Variants in PCDH15 observed in about 807,000 individuals in gnomAD.
PCDH15 encodes the protein protocadherin-15.
Under a neutral mutation model 178.5 loss-of-function variants are expected in PCDH15, and 129 were observed. The observed-to-expected ratio is 0.72, with a 90% CI of 0.63 to 0.84. The LOEUF is 0.84. PCDH15 is among the 40% of genes least tolerant of loss of function. The pLI is 0.00. For synonymous variants in PCDH15, 800 were observed against 732.0 expected, an observed-to-expected ratio of 1.09 and a Z score of -1.50; for missense variants, 2,230 against 2,099.9, an observed-to-expected ratio of 1.06 and a Z score of -1.21.
intron 2 of PCDH15, among the ~76,000 whole-genome samples, chr10:55,027,556 G>C (rs1285822027): frequency 6.6e-6 from 1 of 151,746 alleles, no homozygotes; most frequent in East Asian, 1.9e-4. Context: ...GGTTTGTTAA[G>C]AGTATATATG....
intron 6 of PCDH15, among the ~76,000 whole-genome samples, chr10:54,335,392 A>G (rs987504924): frequency 2.6e-5 from 4 of 152,196 alleles, no homozygotes; most frequent in African/African-American, 9.6e-5. Flanking sequence ...AAGATGTCAA[A>G]GCATCACAGG....
At chr10:53,986,202 T>C (rs2091089896) in intron 21 of PCDH15, among the ~76,000 whole-genome samples, 1 of 152,052 alleles carries the variant, frequency 6.6e-6, no homozygotes, top group Non-Finnish European at 1.5e-5. Flanking sequence ...GACATACAAA[T>C]GGCCAACAGT....
At chr10:53,975,810 T>A (rs1336512413) in intron 21 of PCDH15, among the ~76,000 whole-genome samples, 2 of 152,292 alleles carry the variant, frequency 1.3e-5, no homozygotes, top group East Asian at 3.9e-4. Flanking sequence ...TTTGTTGTAA[T>A]TGCTTTTGGT....
At chr10:55,382,419 G>T (rs1837557434) in intron 2 of PCDH15, among the ~76,000 whole-genome samples, 1 of 152,140 alleles carries the variant, frequency 6.6e-6, no homozygotes, top group South Asian at 2.1e-4. Context: ...TCTAAGTGAT[G>T]CTATGTGACA....
intron 1 of PCDH15, among the ~76,000 whole-genome samples, chr10:54,756,695 T>G (rs1037672890): frequency 7.7e-6 from 1 of 129,638 alleles, no homozygotes; most frequent in Non-Finnish European, 1.6e-5. Context: ...TGTGTCTTTC[T>G]GTCTGTCTGT....
At chr10:53,884,481 A>G (rs940680939) in intron 26 of PCDH15, among the ~76,000 whole-genome samples, 1 of 152,184 alleles carries the variant, frequency 6.6e-6, no homozygotes, top group Non-Finnish European at 1.5e-5. Flanking sequence ...CCAAGCCCCC[A>G]TGCAGAGTTC....
chr10:54,916,112 C>G (rs537707115), intron 2 of PCDH15, among the ~76,000 whole-genome samples: 1 of 149,800 alleles, frequency 6.7e-6, no homozygotes, highest in South Asian at 2.1e-4. Flanking sequence ...GCTCAGCTTA[C>G]GGGCACCTGC....
chr10:54,738,804 T>C (rs1038252031), intron 1 of PCDH15, among the ~76,000 whole-genome samples: 5 of 152,180 alleles, frequency 3.3e-5, no homozygotes, highest in Non-Finnish European at 7.4e-5. Context: ...CAATAGATGC[T>C]GAAAAGGCAT....
chr10:54,001,076 G>T (rs768918305), intron 20 of PCDH15, among the ~76,000 whole-genome samples: 2 of 152,056 alleles, frequency 1.3e-5, no homozygotes, highest in Non-Finnish European at 2.9e-5. Context: ...TCCTAGAAGA[G>T]TATATCTGGT....
chr10:54,625,509 G>A (rs1179719233), intron 2 of PCDH15, among the ~76,000 whole-genome samples: 1 of 152,062 alleles, frequency 6.6e-6, no homozygotes, highest in African/African-American at 2.4e-5. Context: ...TCTCATGATG[G>A]TGAATGGGTC....
At chr10:55,108,667 C>A (rs1047852939) in intron 2 of PCDH15, among the ~76,000 whole-genome samples, 1 of 151,378 alleles carries the variant, frequency 6.6e-6, no homozygotes, top group Non-Finnish European at 1.5e-5. Flanking sequence ...AATTAATATA[C>A]CAGTAAACGT....
chr10:54,073,484 TAAA>T (rs1334254567), intron 17 of PCDH15, among the ~76,000 whole-genome samples: 1 of 152,154 alleles, frequency 6.6e-6, no homozygotes, highest in Non-Finnish European at 1.5e-5. Flanking sequence ...ATTATGAAGT[TAAA>T]TGCTCAACTT....
intron 2 of PCDH15, among the ~76,000 whole-genome samples, chr10:55,338,021 G>T (rs1222563944): frequency 2.0e-5 from 3 of 151,982 alleles, no homozygotes; most frequent in African/African-American, 7.2e-5. Flanking sequence ...ATCAAAAGAA[G>T]AGATACAAAT....
At chr10:55,312,526 A>G (rs1710557898) in intron 1 of PCDH15, among the ~76,000 whole-genome samples, 1 of 152,166 alleles carries the variant, frequency 6.6e-6, no homozygotes, top group African/African-American at 2.4e-5. Context: ...AAAAAAAGGC[A>G]AAATGTGAGT....
intron 1 of PCDH15, among the ~76,000 whole-genome samples, chr10:55,292,615 C>T (rs1197470666): frequency 1.3e-5 from 2 of 152,162 alleles, no homozygotes; most frequent in Non-Finnish European, 2.9e-5. Context: ...ATTCTAACCT[C>T]AGGTGATCTA....
chr10:53,864,393 A>G (rs2133126420), intron 27 of PCDH15, among the ~76,000 whole-genome samples: 1 of 152,324 alleles, frequency 6.6e-6, no homozygotes, highest in South Asian at 2.1e-4. Flanking sequence ...ACAAAGGATC[A>G]AAGGCTACTC....
chr10:53,886,233 G>T (rs2081084100), intron 26 of PCDH15, among the ~76,000 whole-genome samples: 1 of 152,106 alleles, frequency 6.6e-6, no homozygotes, highest in Non-Finnish European at 1.5e-5. Flanking sequence ...TTTATATTCA[G>T]ATAAAATTCA....
chr10:54,850,112 T>G, intron 3 of PCDH15, among the ~76,000 whole-genome samples: 1 of 152,134 alleles, frequency 6.6e-6, no homozygotes, highest in East Asian at 1.9e-4. Flanking sequence ...CTTTAGTTGC[T>G]TAAACATATA....
intron 2 of PCDH15, among the ~76,000 whole-genome samples, chr10:55,019,726 C>T (rs1840276211): frequency 6.6e-6 from 1 of 152,136 alleles, no homozygotes; most frequent in African/African-American, 2.4e-5. Context: ...AGTAGAGCAA[C>T]CTCTCATACC....
Sources: gnomAD v4.1 joint callset for allele counts (sites outside exome capture counted in the v4.1 genomes callset) on GRCh38, gnomAD v4.1.1 for gene constraint, MANE v1.5 for transcripts, NCBI Gene and HGNC (gene_info 2026-07-23, HGNC 2026-07-21) for gene names.